Variants in TENM3 observed in about 807,000 individuals in gnomAD.
TENM3 encodes teneurin transmembrane protein 3.
TENM3 carries 63 observed loss-of-function variants against 255.1 expected under a neutral mutation model. The ratio of observed to expected loss-of-function variants is 0.25; its 90% CI spans 0.20 to 0.30. The LOEUF (loss-of-function observed/expected upper bound fraction) is 0.30. TENM3 is among the 10% of genes least tolerant of loss of function. The probability of loss-of-function intolerance (pLI) is 1.00; values close to 1 mark genes in which losing one functional copy is unlikely to be tolerated. For missense variants in TENM3, 2,929 were observed against 3,461.1 expected (o/e 0.85, Z 3.86); for synonymous variants, 1,306 against 1,322.3 (o/e 0.99, Z 0.27).
Position 182,419,557 on chromosome 4 carries a change from A to G in TENM3, c.511+72628A>G, listed in dbSNP as rs578065509. Among the ~76,000 whole-genome samples, 4 of 152,336 alleles carry G rather than the reference A, an allele frequency of 2.6e-5. No homozygotes were observed. In the South Asian group the frequency reaches 8.3e-4, roughly 32 times the overall value. ...AGGACTATAAATCATGCTGCTATAA[A>G]GACACATGCACACATATGTTTATTG... On this transcript the variant is annotated intron_variant, in intron 3 of 27. Transcript: ENST00000511685.
intron 6 of TENM3, among the ~76,000 whole-genome samples, chr4:182,663,343 T>C (rs912350155): frequency 6.6e-6 from 1 of 151,272 alleles, no homozygotes; most frequent in Non-Finnish European, 1.5e-5. Context: ...ACCTGTTTTC[T>C]TCTATATTAA....
At chr4:181,476,218 T>C in the TENM3 span, among the ~76,000 whole-genome samples, 1 of 142,316 alleles carries the variant, frequency 7.0e-6, no homozygotes, top group East Asian at 2.0e-4. Context: ...TTTTTTTTTT[T>C]TTTTTTGACA....
the TENM3 span, among the ~76,000 whole-genome samples, chr4:182,046,856 C>G: frequency 6.6e-6 from 1 of 152,122 alleles, no homozygotes; most frequent in Non-Finnish European, 1.5e-5. Context: ...AACTTTCAAT[C>G]CCAAGACTTT....
chr4:182,264,254 C>T (rs780088650), intron 1 of TENM3, among the ~76,000 whole-genome samples: 46 of 152,196 alleles, frequency 3.0e-4, no homozygotes, highest in Admixed American at 7.9e-4. Context: ...GAAACGTGGG[C>T]TTGGAACACC....
chr4:181,767,778 A>G, the TENM3 span, among the ~76,000 whole-genome samples: 1 of 152,326 alleles, frequency 6.6e-6, no homozygotes, highest in Non-Finnish European at 1.5e-5. Flanking sequence ...GATTTTAGAT[A>G]AATCCCAAAC....
chr4:182,233,095 C>T (rs1756681811), intron 1 of TENM3, among the ~76,000 whole-genome samples: 2 of 152,128 alleles, frequency 1.3e-5, no homozygotes, highest in Non-Finnish European at 2.9e-5. Flanking sequence ...GAGGGGTCTC[C>T]AGGCTTCCAG....
At chr4:182,215,678 CA>C (rs527849294) in intron 1 of TENM3, among the ~76,000 whole-genome samples, 143 of 152,256 alleles carry the variant, frequency 9.4e-4, no homozygotes, top group Non-Finnish European at 1.8e-3. Context: ...AATGTGGCAA[CA>C]GGCTTTTCCT....
intron 1 of TENM3, among the ~76,000 whole-genome samples, chr4:182,278,345 C>T (rs1162655115): frequency 1.3e-5 from 2 of 150,818 alleles, no homozygotes; most frequent in South Asian, 2.1e-4. Flanking sequence ...CCAGCCTGGG[C>T]AACAAGAGCG....
chr4:182,362,816 G>A (rs1003533853), intron 3 of TENM3, among the ~76,000 whole-genome samples: 11 of 152,198 alleles, frequency 7.2e-5, no homozygotes, highest in African/African-American at 9.6e-5. Context: ...CTTCTGCATC[G>A]CTTACGCTGG....
chr4:181,893,487 GCC>G, the TENM3 span, among the ~76,000 whole-genome samples: 1 of 74,690 alleles, frequency 1.3e-5, no homozygotes, highest in Non-Finnish European at 3.0e-5. Context: ...ACTTTCCCCT[GCC>G]CACCCCCCCC....
intron 2 of TENM3, among the ~76,000 whole-genome samples, chr4:182,338,699 G>A (rs1374384830): frequency 2.6e-5 from 4 of 151,988 alleles, no homozygotes; most frequent in Admixed American, 1.3e-4. Flanking sequence ...AAATAATAAT[G>A]TCTCTGCACC....
At chr4:182,738,262 A>G in intron 17 of TENM3, 139 bp from the exon 18 acceptor site, 1 of 680,142 alleles carries the variant, frequency 1.5e-6, no homozygotes, top group Non-Finnish European at 2.3e-6. Flanking sequence ...TCTTAAATTA[A>G]AAAATAAACT....
At chr4:182,728,060 G>T (rs1470182067) in intron 13 of TENM3, among the ~76,000 whole-genome samples, 1 of 152,044 alleles carries the variant, frequency 6.6e-6, no homozygotes, top group African/African-American at 2.4e-5. Flanking sequence ...TGTTGGCCAG[G>T]CTGGTCTCGA....
the TENM3 span, among the ~76,000 whole-genome samples, chr4:181,719,368 G>A: frequency 1.2e-4 from 19 of 152,120 alleles, no homozygotes; most frequent in Admixed American, 1.2e-3. Context: ...TTCATCCATT[G>A]GGATGCTATA....
chr4:182,098,109 A>G, the TENM3 span, among the ~76,000 whole-genome samples: 1 of 152,238 alleles, frequency 6.6e-6, no homozygotes, highest in Non-Finnish European at 1.5e-5. Context: ...TCATCAGAGA[A>G]ATGCAAATCA....
intron 1 of TENM3, among the ~76,000 whole-genome samples, chr4:182,202,019 T>C (rs1268493739): frequency 6.6e-6 from 1 of 152,178 alleles, no homozygotes; most frequent in Non-Finnish European, 1.5e-5. Flanking sequence ...CCACTTCCAA[T>C]ATGTAAACAA....
At chr4:181,801,892 T>C in the TENM3 span, among the ~76,000 whole-genome samples, 166 of 152,088 alleles carry the variant, frequency 1.1e-3, no homozygotes, top group South Asian at 8.9e-3. Flanking sequence ...TCACCATTCT[T>C]TTTTGAACTT....
At chr4:182,210,795 T>A (rs149893204) in intron 1 of TENM3, among the ~76,000 whole-genome samples, 1,865 of 152,230 alleles carry the variant, frequency 0.012, 28 homozygotes, top group African/African-American at 0.042. Context: ...TCCCCACTCT[T>A]CCTGCTCCCA....
chr4:182,225,214 A>G (rs1386795895), intron 1 of TENM3, among the ~76,000 whole-genome samples: 2 of 152,226 alleles, frequency 1.3e-5, no homozygotes, highest in African/African-American at 4.8e-5. Flanking sequence ...TGAGTACTCA[A>G]TATACGGCAG....
Sources: allele counts gnomAD v4.1 joint callset (sites outside exome capture counted in the v4.1 genomes callset), GRCh38; gene constraint gnomAD v4.1.1; transcripts MANE v1.5; gene names NCBI Gene and HGNC (gene_info 2026-07-23, HGNC 2026-07-21).